INPP5D: variants seen among roughly 807,000 people sequenced by gnomAD.
INPP5D encodes phosphatidylinositol 3,4,5-trisphosphate 5-phosphatase 1.
Under a neutral mutation model 122.9 loss-of-function variants are expected in INPP5D, and 33 were observed. The ratio of observed to expected loss-of-function variants is 0.27; its 90% CI spans 0.20 to 0.36. The LOEUF (loss-of-function observed/expected upper bound fraction) is 0.36, where lower values mean the gene tolerates loss of function less well. INPP5D is among the 10% of genes least tolerant of loss of function. The pLI is 1.00. For synonymous variants in INPP5D, 584 were observed against 576.2 expected, an observed-to-expected ratio of 1.01 and a Z score of -0.19; for missense variants, 1,053 against 1,412.7, an observed-to-expected ratio of 0.75 and a Z score of 4.08.
At chr2:233,110,920 G>T (rs548257763) in intron 2 of INPP5D, among the ~76,000 whole-genome samples, 1 of 144,440 alleles carries the variant, frequency 6.9e-6, no homozygotes, top group East Asian at 2.0e-4. Context: ...GCGAGACTCC[G>T]TCTCTTAAAA....
At chr2:233,086,118 C>CCTCTTTCTTTCTTTCTTTCT (rs1559282180) in intron 2 of INPP5D, among the ~76,000 whole-genome samples, 1 of 105,950 alleles carries the variant, frequency 9.4e-6, no homozygotes, top group Non-Finnish European at 2.2e-5. Flanking sequence ...GATAAGATAG[C>CCTCTTTCTTTCTTTCTTTCT]CTCTTTCTTT....
chr2:233,187,941 G>T (rs1694962099), intron 21 of INPP5D, among the ~76,000 whole-genome samples: 1 of 151,952 alleles, frequency 6.6e-6, no homozygotes, highest in Admixed American at 6.6e-5. Context: ...CCAGCTCAGG[G>T]ACCCCTAGGG....
chr2:233,150,356 A>G (rs921378360), intron 9 of INPP5D, among the ~76,000 whole-genome samples: 2 of 152,182 alleles, frequency 1.3e-5, no homozygotes, highest in Non-Finnish European at 2.9e-5. Flanking sequence ...GTAAGACGTG[A>G]CTTTGCTCCT....
rs754709621 is a variant in INPP5D at position 233,195,506 on chromosome 2, C to T, written c.2693+11C>T. On this transcript the variant is annotated intron_variant, in intron 24 of 26. Coordinates refer to ENST00000445964, the MANE Select transcript of INPP5D (RefSeq NM_001017915.3). ...GGAAGTCACTAGCAGGTAAAGTGGG[C>T]GTGGGGTGGGTGTTGGGGGGGGTGG... 20 of 1,332,492 alleles carry T rather than the reference C, an allele frequency of 1.5e-5. No homozygotes were observed. The highest frequency in any genetic ancestry group is 7.3e-5 in the Admixed American group (4 of 55,026). 82.5% of individuals were successfully genotyped at this position (1,332,492 alleles called of 1,614,324 possible).
At chr2:233,150,706 C>T (rs1183577864) in intron 9 of INPP5D, among the ~76,000 whole-genome samples, 3 of 152,154 alleles carry the variant, frequency 2.0e-5, no homozygotes, top group East Asian at 1.9e-4. Context: ...TCATCGTGAA[C>T]GCTTCCTCTA....
At chr2:233,108,910 A>C (rs1692534579) in intron 2 of INPP5D, among the ~76,000 whole-genome samples, 1 of 152,216 alleles carries the variant, frequency 6.6e-6, no homozygotes, top group Non-Finnish European at 1.5e-5. Context: ...CAGCTTCTGC[A>C]TGGCAGAGAG....
chr2:233,116,834 A>C (rs1008577409), intron 2 of INPP5D, among the ~76,000 whole-genome samples: 1 of 151,262 alleles, frequency 6.6e-6, no homozygotes, highest in Non-Finnish European at 1.5e-5. Flanking sequence ...TGACCTCGTG[A>C]TCCACCCACC....
chr2:233,067,110 C>T (rs1197651604), intron 1 of INPP5D, among the ~76,000 whole-genome samples: 1 of 152,210 alleles, frequency 6.6e-6, no homozygotes, highest in Non-Finnish European at 1.5e-5. Flanking sequence ...GCTTTTAGTG[C>T]ATTCACAATG....
In INPP5D at chr2:233,100,601, G is replaced by T. The variant is rs570812195; in HGVS notation, c.198+21203G>T. ...CTCATGGGCACCCCCGGTTGAGCTC[G>T]CTCACCCAGAGCTCTCTCTCTTCCC... On this transcript the variant is annotated intron_variant, in intron 2 of 26. Coordinates refer to ENST00000445964, the MANE Select transcript of INPP5D (RefSeq NM_001017915.3). The surrounding 1 kb of genome is among the most constrained non-coding windows in gnomAD (Gnocchi z 5.3). Among the ~76,000 whole-genome samples, 288 of 152,288 alleles carry T rather than the reference G, an allele frequency of 1.9e-3. 2 individuals carry two copies. Among genetic ancestry groups the T allele is most frequent in the African/African-American group, 6.8e-3 (281 of 41,560 alleles).
chr2:233,117,014 C>T (rs2106249899), intron 2 of INPP5D, among the ~76,000 whole-genome samples: 1 of 152,344 alleles, frequency 6.6e-6, no homozygotes, highest in African/African-American at 2.4e-5. Flanking sequence ...GAGGCGTTCA[C>T]TCCAGGGAAA....
intron 9 of INPP5D, among the ~76,000 whole-genome samples, chr2:233,150,148 G>A (rs757327714): frequency 6.6e-6 from 1 of 152,166 alleles, no homozygotes; most frequent in Admixed American, 6.5e-5. Context: ...TGATTTGGCT[G>A]TGTCCCCACC....
intron 5 of INPP5D, among the ~76,000 whole-genome samples, chr2:233,134,414 G>A (rs938858680): frequency 6.6e-6 from 1 of 152,062 alleles, no homozygotes; most frequent in African/African-American, 2.4e-5. Context: ...AGGAGGAGCT[G>A]GGAGGGGGTT....
intron 1 of INPP5D, among the ~76,000 whole-genome samples, chr2:233,071,023 C>T (rs1326667569): frequency 6.6e-6 from 1 of 152,004 alleles, no homozygotes; most frequent in African/African-American, 2.4e-5. Context: ...CCTGTAATTG[C>T]AGCACTTTGG....
At chr2:233,144,096 T>C (rs1481171377) in intron 6 of INPP5D, among the ~76,000 whole-genome samples, 1 of 122,254 alleles carries the variant, frequency 8.2e-6, no homozygotes, top group Non-Finnish European at 1.7e-5. Flanking sequence ...GGTGTGGAGA[T>C]AGTGGTAGTG....
chr2:233,143,224 T>G (rs1693666227), intron 6 of INPP5D, among the ~76,000 whole-genome samples: 1 of 152,220 alleles, frequency 6.6e-6, no homozygotes, highest in African/African-American at 2.4e-5. Context: ...TGGGGAAAGC[T>G]CCAGCATTTT....
Position 233,207,367 on chromosome 2 carries a change from C to G in INPP5D, c.*659C>G, listed in dbSNP as rs149176294. The G allele has an allele frequency of 6.5e-6, 1 of 152,764 alleles. No homozygotes were observed. Among genetic ancestry groups the G allele is most frequent in the East Asian group, 1.9e-4 (1 of 5,332 alleles). The allele number at this position is 152,764 out of a possible 1,614,324, so 9.5% of individuals were successfully genotyped here. On this transcript the variant is annotated 3_prime_UTR_variant, in exon 27 of 27. Coordinates refer to ENST00000445964, the MANE Select transcript of INPP5D (RefSeq NM_001017915.3). The surrounding 1 kb of genome is among the most constrained non-coding windows in gnomAD (Gnocchi z 4.6). ...GACACAAGCTGCTTTAGCTAAAGTC[C>G]CGCGGGTTCCGGCATGGCTAGGCTG...
At chr2:233,195,362 G>T in intron 23 of INPP5D, 37 bp from the exon 24 acceptor site, 1 of 1,613,356 alleles carries the variant, frequency 6.2e-7, no homozygotes. Flanking sequence ...CTGGAAGCTG[G>T]GCCCTCACAT....
chr2:233,155,867 A>C (rs2106287876), intron 9 of INPP5D, among the ~76,000 whole-genome samples: 1 of 152,240 alleles, frequency 6.6e-6, no homozygotes, highest in East Asian at 1.9e-4. Flanking sequence ...GGACTCCAAG[A>C]AAAGATCCTA....
At chr2:233,149,100 C>CTTT (rs556971192) in intron 9 of INPP5D, among the ~76,000 whole-genome samples, 27 of 105,998 alleles carry the variant, frequency 2.5e-4, no homozygotes, top group East Asian at 1.6e-3. Context: ...TGATCAGCAC[C>CTTT]TTTTTTTTTT....
Sources: allele counts gnomAD v4.1 joint callset (sites outside exome capture counted in the v4.1 genomes callset), GRCh38; gene constraint gnomAD v4.1.1; non-coding constraint Gnocchi (gnomAD v3.1); transcripts MANE v1.5; gene names NCBI Gene and HGNC (gene_info 2026-07-23, HGNC 2026-07-21).